Variants in ADAMTS19 observed in about 807,000 individuals in gnomAD.
ADAMTS19 encodes the protein ADAM metallopeptidase with thrombospondin type 1 motif 19.
ADAMTS19 carries 93 observed loss-of-function variants against 153.3 expected under a neutral mutation model. The observed-to-expected ratio is 0.61, with a 90% confidence interval of 0.51 to 0.72. The LOEUF (loss-of-function observed/expected upper bound fraction) is 0.72. Among genes scored for constraint, ADAMTS19 ranks in the 30% least tolerant of loss-of-function variants. ADAMTS19 has a pLI of 0.00. For synonymous variants in ADAMTS19, 600 were observed against 556.6 expected (o/e 1.08, Z -1.10); for missense variants, 1,482 against 1,552.1 (o/e 0.95, Z 0.76).
rs112491370 is a variant in ADAMTS19, at chr5:129,732,198, C to T, written c.3313-2734C>T. On this transcript the variant is annotated intron_variant, in intron 21 of 22. Coordinates refer to ENST00000274487, the MANE Select transcript of ADAMTS19 (RefSeq NM_133638.6). ...AAAAGTGCACTTGATTAATAAAAGC[C>T]GTATATGACATACCCACAGCCAACA... 5.2e-3 allele frequency among the ~76,000 whole-genome samples: 790 copies of T among 151,978 alleles called. 4 individuals are homozygous for T. Among genetic ancestry groups the T allele is most frequent in the African/African-American group, 0.017 (722 of 41,460 alleles).
intron 6 of ADAMTS19, among the ~76,000 whole-genome samples, chr5:129,532,746 T>G (rs1752255759): frequency 6.6e-6 from 1 of 152,192 alleles, no homozygotes; most frequent in Non-Finnish European, 1.5e-5. Context: ...ATCATACAAT[T>G]GAATACTCTT....
chr5:129,560,148 TG>T (rs773303984), intron 7 of ADAMTS19, among the ~76,000 whole-genome samples: 1 of 152,322 alleles, frequency 6.6e-6, no homozygotes, highest in South Asian at 2.1e-4. Context: ...CAGCACATTT[TG>T]AAGATTTAGT....
chr5:129,509,210 C>G lies in ADAMTS19; in HGVS notation c.881C>G (p.Ala294Gly), dbSNP rs1175931785. Residue 294 changes from alanine to glycine, a missense_variant, in exon 3 of 23, where the codon GCT (alanine) becomes GGT (glycine). Ala to Gly is a moderately conservative substitution (Grantham distance 60). Coordinates refer to ENST00000274487, the MANE Select transcript of ADAMTS19 (RefSeq NM_133638.6). Reference sequence around the variant, plus strand: ...GAGGAAAAGGTCACAGAGAAGTCAGCTCTTCACAGTCATTACTGTGGTATC... The same window carrying G: ...GAGGAAAAGGTCACAGAGAAGTCAGGTCTTCACAGTCATTACTGTGGTATC... Reference protein sequence around the residue: ...SMEEKVTEKSALHSHYCGIIS... With the variant: ...SMEEKVTEKSGLHSHYCGIIS... The G allele has an allele frequency of 6.2e-7, 1 of 1,611,966 alleles. No individual in the cohort carries two copies. The highest frequency in any genetic ancestry group is 1.7e-5 in the Admixed American group (1 of 59,846).
At chr5:129,537,404 G>T (rs377382128) in intron 6 of ADAMTS19, among the ~76,000 whole-genome samples, 8 of 152,170 alleles carry the variant, frequency 5.3e-5, no homozygotes. Context: ...AATACCATTT[G>T]ACCCAGCCAT....
chr5:129,623,375 C>T (rs1751873983), intron 10 of ADAMTS19, among the ~76,000 whole-genome samples: 1 of 152,030 alleles, frequency 6.6e-6, no homozygotes. Context: ...CTCTTCCTAA[C>T]ACACACACAT....
At chr5:129,560,834 T>A (rs1478451456) in intron 7 of ADAMTS19, among the ~76,000 whole-genome samples, 1 of 152,194 alleles carries the variant, frequency 6.6e-6, no homozygotes, top group Admixed American at 6.5e-5. Flanking sequence ...GGTTTTATAG[T>A]TAAGATGTCA....
At chr5:129,552,362 C>T (rs1753154036) in intron 7 of ADAMTS19, among the ~76,000 whole-genome samples, 1 of 151,718 alleles carries the variant, frequency 6.6e-6, no homozygotes, top group Non-Finnish European at 1.5e-5. Flanking sequence ...AAATTTTTCA[C>T]CATTTGTATT....
chr5:129,534,692 G>T (rs775976863), intron 6 of ADAMTS19, among the ~76,000 whole-genome samples: 1 of 152,104 alleles, frequency 6.6e-6, no homozygotes, highest in African/African-American at 2.4e-5. Context: ...CTGGCAAACC[G>T]AATCCAGCAG....
At chr5:129,517,099 C>A (rs1024166920) in intron 3 of ADAMTS19, among the ~76,000 whole-genome samples, 1 of 151,690 alleles carries the variant, frequency 6.6e-6, no homozygotes, top group Non-Finnish European at 1.5e-5. Flanking sequence ...AAAATTCCCT[C>A]TTGTTATCAA....
chr5:129,701,579 G>A lies in ADAMTS19; in HGVS notation c.3146G>A (p.Gly1049Glu). The A allele has an allele frequency of 3.7e-6, 6 of 1,614,202 alleles. No homozygotes were observed. Among genetic ancestry groups the A allele is most frequent in the South Asian group, 3.3e-5 (3 of 91,078 alleles). Residue 1049 changes from glycine (G) to glutamate (E), a missense_variant, in exon 20 of 23, where the codon GGA becomes GAA. By Grantham distance (98) the Gly-to-Glu change is moderately conservative. This residue lies in a region of ADAMTS19 where 616 missense variants were observed against 724.4 expected (regional missense o/e 0.85). Coordinates refer to ENST00000274487, the MANE Select transcript of ADAMTS19 (RefSeq NM_133638.6). Reference sequence around the variant, plus strand: ...GACTGCATGACCGTGTGGGAGGCGGGAGTGTGGTCTGAGGTGCATACATGC... The same window carrying A: ...GACTGCATGACCGTGTGGGAGGCGGAAGTGTGGTCTGAGGTGCATACATGC... ...GQDCMTVWEA[G>E]VWSECSVKCG... is the part of the protein sequence containing the mutation.
At chr5:129,668,627 G>A (rs982926361) in intron 16 of ADAMTS19, among the ~76,000 whole-genome samples, 3 of 151,934 alleles carry the variant, frequency 2.0e-5, no homozygotes, top group South Asian at 4.2e-4. Flanking sequence ...TAATTCTAAC[G>A]TGGGGTTAGG....
intron 6 of ADAMTS19, among the ~76,000 whole-genome samples, chr5:129,548,091 A>T (rs377530929): frequency 6.6e-6 from 1 of 150,832 alleles, no homozygotes; most frequent in East Asian, 1.9e-4. Context: ...AACCTAGGCA[A>T]TACCATTCAG....
chr5:129,516,648 T>C (rs993109329), intron 3 of ADAMTS19, among the ~76,000 whole-genome samples: 5 of 151,934 alleles, frequency 3.3e-5, no homozygotes, highest in African/African-American at 1.2e-4. Flanking sequence ...TAATGTCTTC[T>C]TTTTCATTTC....
intron 15 of ADAMTS19, 21 bp downstream of exon 15, chr5:129,658,758 C>A (rs754133571): frequency 1.3e-6 from 2 of 1,593,980 alleles, no homozygotes; most frequent in Admixed American, 3.5e-5. Flanking sequence ...TTTATTTTTT[C>A]ATAAATATTA....
chr5:129,466,533 T>A (rs1385539606), intron 2 of ADAMTS19, among the ~76,000 whole-genome samples: 2 of 152,062 alleles, frequency 1.3e-5, no homozygotes, highest in African/African-American at 4.8e-5. Context: ...TTTGTTAGAA[T>A]AAAAACTCAA....
chr5:129,658,878 T>G (rs546860729), intron 15 of ADAMTS19, 141 bp downstream of exon 15: 3 of 974,638 alleles, frequency 3.1e-6, no homozygotes, highest in Non-Finnish European at 4.3e-6. Flanking sequence ...TGTGATGACA[T>G]ACAATACATG....
At chr5:129,584,054 T>G (rs573259218) in intron 7 of ADAMTS19, among the ~76,000 whole-genome samples, 64 of 152,302 alleles carry the variant, frequency 4.2e-4, no homozygotes, top group Non-Finnish European at 8.7e-4. Flanking sequence ...TGGATTCATC[T>G]ACCTTTGGTC....
At chr5:129,509,347 A>G (rs1210683821) in intron 3 of ADAMTS19, 105 bp downstream of exon 3, 4 of 1,060,864 alleles carry the variant, frequency 3.8e-6, no homozygotes, top group Non-Finnish European at 5.3e-6. Context: ...TTTTTAATGT[A>G]GAATCTTTTA....
At chr5:129,734,526 CAT>C (rs1337834156) in intron 21 of ADAMTS19, among the ~76,000 whole-genome samples, 3 of 151,908 alleles carry the variant, frequency 2.0e-5, no homozygotes, top group African/African-American at 7.2e-5. Context: ...TAAAAGTAGA[CAT>C]GTGCTAACTT....
Sources: allele counts gnomAD v4.1 joint callset (sites outside exome capture counted in the v4.1 genomes callset), GRCh38; gene constraint gnomAD v4.1.1; regional missense constraint gnomAD v4.1.1; transcripts MANE v1.5; gene names NCBI Gene and HGNC (gene_info 2026-07-23, HGNC 2026-07-21).